LOC400499: variants seen among roughly 807,000 people sequenced by gnomAD.
At chr16:11,508,896 A>C in the LOC400499 span, 1 of 398,920 alleles carries the variant, frequency 2.5e-6, no homozygotes, top group Non-Finnish European at 4.4e-6. Context: ...ATATGGGGAA[A>C]TGCCAGAGTG....
At chr16:11,375,109 T>C in the LOC400499 span, among the ~76,000 whole-genome samples, 1 of 150,170 alleles carries the variant, frequency 6.7e-6, no homozygotes, top group African/African-American at 2.5e-5. Context: ...CAGCTTCCCA[T>C]AGTGCTGGGA....
the LOC400499 span, among the ~76,000 whole-genome samples, chr16:11,511,855 G>A: frequency 8.6e-5 from 13 of 151,476 alleles, no homozygotes; most frequent in East Asian, 1.4e-3. Flanking sequence ...AGCAAGACCC[G>A]ATTTCTACAA....
At chr16:11,477,339 T>G in the LOC400499 span, among the ~76,000 whole-genome samples, 1 of 152,234 alleles carries the variant, frequency 6.6e-6, no homozygotes, top group South Asian at 2.1e-4. Context: ...TGGGGACAGA[T>G]GCTCAGCAGC....
At chr16:11,383,733 G>A in the LOC400499 span, 1 of 1,232,406 alleles carries the variant, frequency 8.1e-7, no homozygotes, top group African/African-American at 1.6e-5. Flanking sequence ...GGAGCTCCTG[G>A]GTGCCACAGG....
chr16:11,491,830 G>A, the LOC400499 span: 27 of 398,906 alleles, frequency 6.8e-5, no homozygotes, highest in East Asian at 3.6e-4. Flanking sequence ...TGGTATAGAC[G>A]GGAGAGCACC....
chr16:11,460,550 C>T, the LOC400499 span: 53 of 1,535,512 alleles, frequency 3.5e-5, no homozygotes, highest in Non-Finnish European at 4.6e-5. Context: ...ACCGTCTGAG[C>T]CACTGTCTGC....
the LOC400499 span, chr16:11,457,235 A>G: frequency 0.42 from 238,897 of 564,058 alleles, 55,439 homozygotes; most frequent in Non-Finnish European, 0.5. Context: ...GAATTCTCAT[A>G]CGCTGATGGT....
chr16:11,491,665 G>GCCCCCACCCCCCCCCCC, the LOC400499 span: 1 of 344,472 alleles, frequency 2.9e-6, no homozygotes, highest in Non-Finnish European at 5.2e-6. Flanking sequence ...CCCCACCCCT[G>GCCCCCACCCCCCCCCCC]CCCACACCCC....
At chr16:11,454,792 T>C in the LOC400499 span, among the ~76,000 whole-genome samples, 1 of 152,204 alleles carries the variant, frequency 6.6e-6, no homozygotes, top group Admixed American at 6.5e-5. Context: ...TACTGAAAGA[T>C]GTACTCCATC....
chr16:11,473,426 T>C, the LOC400499 span, among the ~76,000 whole-genome samples: 51 of 152,174 alleles, frequency 3.4e-4, 1 homozygote, highest in African/African-American at 1.1e-3. Flanking sequence ...GTTGAGATCA[T>C]ATTCAGTGTT....
the LOC400499 span, among the ~76,000 whole-genome samples, chr16:11,467,436 C>T: frequency 6.8e-6 from 1 of 147,980 alleles, no homozygotes; most frequent in South Asian, 2.1e-4. Flanking sequence ...ATAGTGAGAC[C>T]CCATTTGTAC....
the LOC400499 span, chr16:11,412,964 A>C: frequency 2.5e-6 from 1 of 399,176 alleles, no homozygotes; most frequent in African/African-American, 2.1e-5. Flanking sequence ...CTGAGGAGGG[A>C]GCAGGCTGTG....
the LOC400499 span, chr16:11,449,068 T>C: frequency 3.4e-6 from 5 of 1,482,904 alleles, no homozygotes; most frequent in Non-Finnish European, 4.5e-6. Context: ...TCGCTCCAGC[T>C]GTGGAAGAGG....
the LOC400499 span, among the ~76,000 whole-genome samples, chr16:11,520,175 T>C: frequency 2.6e-5 from 4 of 152,326 alleles, no homozygotes; most frequent in African/African-American, 9.6e-5. Flanking sequence ...TGGTGATGGT[T>C]GTACAACGAT....
the LOC400499 span, among the ~76,000 whole-genome samples, chr16:11,401,884 C>T: frequency 6.6e-6 from 1 of 152,244 alleles, no homozygotes; most frequent in African/African-American, 2.4e-5. Context: ...GCTGCCCCCC[C>T]AGTGCCTTTC....
the LOC400499 span, among the ~76,000 whole-genome samples, chr16:11,415,211 C>T: frequency 7.3e-4 from 111 of 152,310 alleles, no homozygotes; most frequent in African/African-American, 2.4e-3. Context: ...TTTTGGCTCA[C>T]AGTTAGGAGT....
the LOC400499 span, among the ~76,000 whole-genome samples, chr16:11,431,817 C>T: frequency 6.6e-6 from 1 of 152,194 alleles, no homozygotes; most frequent in Non-Finnish European, 1.5e-5. Context: ...CTTTGCCACT[C>T]CTGCATTAAC....
the LOC400499 span, among the ~76,000 whole-genome samples, chr16:11,375,384 G>C: frequency 7.3e-6 from 1 of 136,916 alleles, no homozygotes; most frequent in Non-Finnish European, 1.5e-5. Flanking sequence ...CGGGACCTCA[G>C]CTCACTGCAA....
chr16:11,382,152 G>A, the LOC400499 span, among the ~76,000 whole-genome samples: 1 of 151,606 alleles, frequency 6.6e-6, no homozygotes, highest in African/African-American at 2.4e-5. Flanking sequence ...TGGCCAGGCT[G>A]GTCTCAAACT....
Sources: gnomAD v4.1 joint callset for allele counts (sites outside exome capture counted in the v4.1 genomes callset) on GRCh38, gnomAD v4.1.1 for gene constraint, MANE v1.5 for transcripts.